The following DUS2 variants were observed in gnomAD, a reference collection of about 807,000 sequenced individuals.
DUS2 encodes the protein dihydrouridine synthase 2.
Under a neutral mutation model 71.3 loss-of-function variants are expected in DUS2, and 52 were observed. The observed-to-expected ratio is 0.73, with a 90% CI of 0.58 to 0.92. The LOEUF (loss-of-function observed/expected upper bound fraction) is 0.92. DUS2 is among the 40% of genes least tolerant of loss of function. The pLI, the probability that DUS2 is intolerant of heterozygous loss-of-function variation, is 0.00. For synonymous variants in DUS2, 204 were observed against 227.8 expected (o/e 0.90, Z 0.94); for missense variants, 558 against 622.6 (o/e 0.90, Z 1.10).
chr16:68,069,111 G>A (rs925471043), intron 10 of DUS2, among the ~76,000 whole-genome samples: 13 of 152,016 alleles, frequency 8.6e-5, no homozygotes, highest in Admixed American at 3.3e-4. Flanking sequence ...AGAGGGGCCC[G>A]GGCGCGGTGG....
Position 68,079,158 on chromosome 16 carries a change from G to T in DUS2, c.*172G>T. On this transcript the variant is annotated 3_prime_UTR_variant, in exon 17 of 17. Coordinates refer to ENST00000565263, the MANE Select transcript of DUS2 (RefSeq NM_017803.5). ...ATGGACCAGGGGCCGCCCAGGGGTG[G>T]ATCCTGGCCCCTTTGGTGGATCTGA... 1 of 528,228 alleles carries T rather than the reference G, an allele frequency of 1.9e-6. No homozygotes were observed. Among genetic ancestry groups the T allele is most frequent in the Admixed American group, 3.6e-5 (1 of 27,810 alleles). The allele number at this position is 528,228 out of a possible 1,614,324, so 32.7% of individuals were successfully genotyped here. A position where few individuals can be genotyped will look rare whatever the true frequency, so the allele number is the denominator to read the frequency against.
chr16:68,048,363 T>C (rs2033733560), intron 3 of DUS2, among the ~76,000 whole-genome samples: 1 of 152,208 alleles, frequency 6.6e-6, no homozygotes. Flanking sequence ...ACTTGTCTAC[T>C]TGCCTTCCCC....
At chr16:68,055,357 C>A (rs1009318483) in intron 6 of DUS2, among the ~76,000 whole-genome samples, 1 of 151,516 alleles carries the variant, frequency 6.6e-6, no homozygotes, top group Non-Finnish European at 1.5e-5. Flanking sequence ...GGAAGACTGA[C>A]GTGGAAGGAT....
intron 3 of DUS2, among the ~76,000 whole-genome samples, chr16:68,039,057 A>C (rs2033580211): frequency 6.6e-6 from 1 of 151,980 alleles, no homozygotes. Flanking sequence ...AATATAAAAA[A>C]TGTACAAAAG....
intron 15 of DUS2, among the ~76,000 whole-genome samples, chr16:68,077,756 G>C (rs1426092272): frequency 6.6e-6 from 1 of 152,202 alleles, no homozygotes; most frequent in Non-Finnish European, 1.5e-5. Flanking sequence ...TGGTGCCCCT[G>C]GGGTGGAAAC....
At chr16:68,023,484 C>T in intron 1 of DUS2, 133 bp downstream of exon 1, 2 of 451,242 alleles carry the variant, frequency 4.4e-6, no homozygotes. Flanking sequence ...ACCATGAGGG[C>T]GGAGGGCTTC....
chr16:68,053,755 C>A, intron 5 of DUS2, 100 bp downstream of exon 5: 1 of 1,192,850 alleles, frequency 8.4e-7, no homozygotes, highest in Non-Finnish European at 1.2e-6. Flanking sequence ...ACCTGGGGTA[C>A]ATTGTACAAC....
intron 4 of DUS2, among the ~76,000 whole-genome samples, chr16:68,051,864 G>A (rs2033783265): frequency 6.6e-6 from 1 of 152,064 alleles, no homozygotes; most frequent in Non-Finnish European, 1.5e-5. Flanking sequence ...ACATTAGATA[G>A]CATTTCAGCA....
At chr16:68,076,330 C>T (rs1161077433) in intron 14 of DUS2, among the ~76,000 whole-genome samples, 1 of 152,190 alleles carries the variant, frequency 6.6e-6, no homozygotes, top group Non-Finnish European at 1.5e-5. Context: ...AAGCTTCCTT[C>T]TTGGATGTTG....
chr16:68,047,049 CTTTTTT>C (rs1305624703), intron 3 of DUS2, among the ~76,000 whole-genome samples: 1 of 72,168 alleles, frequency 1.4e-5, no homozygotes, highest in Non-Finnish European at 2.5e-5. Flanking sequence ...CATGCCCGGC[CTTTTTT>C]TTTTTTTTTT....
chr16:68,049,236 A>G (rs1228434067), intron 3 of DUS2, among the ~76,000 whole-genome samples: 1 of 152,062 alleles, frequency 6.6e-6, no homozygotes, highest in Non-Finnish European at 1.5e-5. Context: ...CTGAATGATT[A>G]TTGTCTTTCT....
intron 1 of DUS2, chr16:68,023,931 T>G (rs2033300105): frequency 6.0e-6 from 1 of 167,156 alleles, no homozygotes; most frequent in Admixed American, 6.6e-5. Flanking sequence ...TCAGCTCCAC[T>G]GGCTTCCCCG....
At position 68,069,234 on chromosome 16, in the gene DUS2, A is replaced by G. The variant is rs1006102758; in HGVS notation, c.555-900A>G. ...TAAAACCCTGTTTCTACTAAAAAAA[A>G]TACAAAATTAGCTAGGCATGGTAGC... On this transcript the variant is annotated intron_variant, in intron 10 of 16. Transcript: ENST00000565263. Among the ~76,000 whole-genome samples the G allele has an allele frequency of 5.3e-5, 8 of 152,220 alleles. No homozygotes were observed. The East Asian group carries it at 1.6e-3, about 30-fold the overall frequency.
intron 3 of DUS2, 84 bp downstream of exon 3, chr16:68,038,233 T>C: frequency 6.4e-7 from 1 of 1,568,218 alleles, no homozygotes; most frequent in Non-Finnish European, 8.7e-7. Flanking sequence ...CAGGAGTTAG[T>C]GGGGACAGAA....
intron 7 of DUS2, among the ~76,000 whole-genome samples, chr16:68,058,260 TGTC>T (rs1359469157): frequency 4.0e-5 from 6 of 151,708 alleles, no homozygotes; most frequent in African/African-American, 9.7e-5. Context: ...GTCTCACTCT[TGTC>T]GTGCAGGCTG....
intron 3 of DUS2, among the ~76,000 whole-genome samples, chr16:68,048,912 G>T (rs1409006047): frequency 3.3e-5 from 5 of 152,262 alleles, no homozygotes; most frequent in Non-Finnish European, 7.4e-5. Context: ...TTCCATTTAT[G>T]ATGTGATTTT....
rs183964681 is a variant in DUS2, at chr16:68,066,483, G to A, written c.484-83G>A. On this transcript the variant is annotated intron_variant, in intron 9 of 16. Transcript: ENST00000565263. ...GGTGCTAAATTAGGCTTGGAGGAGA[G>A]AGTAGAGCTGAGCCTACTTTAGGAG... 3.8e-6 allele frequency: 6 copies of A among 1,583,124 alleles called. No individual in the cohort carries two copies. In the Admixed American group the frequency reaches 8.3e-5, roughly 22 times the overall value.
chr16:68,055,952 A>G (rs1185256028), intron 6 of DUS2, among the ~76,000 whole-genome samples: 1 of 152,016 alleles, frequency 6.6e-6, no homozygotes, highest in East Asian at 1.9e-4. Flanking sequence ...AGCCCAGCCA[A>G]CAAAGGCAGT....
intron 4 of DUS2, among the ~76,000 whole-genome samples, chr16:68,052,530 C>T (rs2033792643): frequency 6.6e-6 from 1 of 152,142 alleles, no homozygotes; most frequent in Non-Finnish European, 1.5e-5. Context: ...AGTAACCTTC[C>T]ACTCATAGCA....
Sources: allele counts gnomAD v4.1 joint callset (sites outside exome capture counted in the v4.1 genomes callset), GRCh38; gene constraint gnomAD v4.1.1; transcripts MANE v1.5; gene names NCBI Gene and HGNC (gene_info 2026-07-23, HGNC 2026-07-21).